Variants in PRRX1 observed in about 807,000 individuals in gnomAD.
PRRX1 encodes paired mesoderm homeobox protein 1.
A neutral mutation model predicts 24.0 loss-of-function variants in PRRX1; 8 were observed. That is an observed-to-expected ratio of 0.33 (90% confidence interval 0.20 to 0.60). The LOEUF (loss-of-function observed/expected upper bound fraction) is 0.60, where lower values mean the gene tolerates loss of function less well. Ranked by LOEUF, PRRX1 falls within the 20% of genes least tolerant of loss-of-function variation. The pLI is 0.82. For missense variants in PRRX1, 281 were observed against 322.4 expected, an observed-to-expected ratio of 0.87 and a Z score of 0.98; for synonymous variants, 160 against 131.7, an observed-to-expected ratio of 1.22 and a Z score of -1.47.
chr1:170,689,781 C>T (rs1247812793), intron 1 of PRRX1, among the ~76,000 whole-genome samples: 1 of 148,842 alleles, frequency 6.7e-6, no homozygotes, highest in African/African-American at 2.5e-5. Flanking sequence ...GACCAAGCAT[C>T]TGTAGAGCCG....
chr1:170,677,759 A>G lies in PRRX1; in HGVS notation c.241+13300A>G, dbSNP rs1437788367. ...TGACTATGGTTATCACCTTTAGGTC[A>G]CCCTTCCTCTCTCAGCGTGAAACAA... On this transcript the variant is annotated intron_variant, in intron 1 of 3. Transcript: ENST00000239461. 5.9e-5 allele frequency among the ~76,000 whole-genome samples: 9 copies of G among 152,280 alleles called. No homozygotes were observed. In the South Asian group the frequency reaches 1.9e-3, roughly 32 times the overall value.
intron 1 of PRRX1, among the ~76,000 whole-genome samples, chr1:170,707,754 T>C (rs769872586): frequency 3.6e-4 from 55 of 152,364 alleles, no homozygotes; most frequent in Non-Finnish European, 6.2e-4. Flanking sequence ...TTGGAAATGC[T>C]CTTGCAGTGG....
chr1:170,715,580 T>G (rs1226259315), intron 1 of PRRX1, among the ~76,000 whole-genome samples: 1 of 152,222 alleles, frequency 6.6e-6, no homozygotes, highest in Non-Finnish European at 1.5e-5. Flanking sequence ...GATTTTAAAC[T>G]GTGTCCTAAA....
intron 1 of PRRX1, among the ~76,000 whole-genome samples, chr1:170,697,514 C>A (rs1028640626): frequency 2.0e-5 from 3 of 151,690 alleles, no homozygotes; most frequent in African/African-American, 7.3e-5. Flanking sequence ...ATTATTGCAT[C>A]ATTCAGAGGT....
intron 1 of PRRX1, among the ~76,000 whole-genome samples, chr1:170,687,982 A>G (rs531389283): frequency 5.9e-5 from 9 of 152,322 alleles, no homozygotes; most frequent in Admixed American, 5.9e-4. Context: ...GGACCGGGAA[A>G]GAGAAATAGC....
chr1:170,687,235 C>T (rs1178958117), intron 1 of PRRX1, among the ~76,000 whole-genome samples: 5 of 151,876 alleles, frequency 3.3e-5, no homozygotes, highest in Admixed American at 2.0e-4. Context: ...GGTTTTTAAA[C>T]GATGAGAAAA....
chr1:170,727,901 C>T (rs774659142), intron 3 of PRRX1: 8 of 152,160 alleles, frequency 5.3e-5, no homozygotes, highest in African/African-American at 1.9e-4. Flanking sequence ...ACTGTAAAAT[C>T]ACATATTCTC....
At chr1:170,665,712 G>A (rs1222877504) in intron 1 of PRRX1, among the ~76,000 whole-genome samples, 1 of 152,230 alleles carries the variant, frequency 6.6e-6, no homozygotes, top group Non-Finnish European at 1.5e-5. Flanking sequence ...GTGGCCCCGC[G>A]GGCCACGCTA....
At chr1:170,701,144 CTCT>C (rs1654344933) in intron 1 of PRRX1, among the ~76,000 whole-genome samples, 1 of 152,116 alleles carries the variant, frequency 6.6e-6, no homozygotes, top group African/African-American at 2.4e-5. Context: ...CAATTAGTTC[CTCT>C]TCTTTATGAC....
At position 170,719,850 on chromosome 1, in the gene PRRX1, T is replaced by C. The variant is rs751218749; in HGVS notation, c.366T>C (p.Phe122=). 4 of 1,614,192 alleles carry C rather than the reference T, an allele frequency of 2.5e-6. No individual in the cohort carries two copies. The South Asian group carries it at 4.4e-5, about 18-fold the overall frequency. Residue 122 remains phenylalanine, a synonymous_variant, in exon 2 of 4, where the codon TTT becomes TTC. Transcript: ENST00000239461. ...AGCGGACACACTATCCTGATGCTTT[T>C]GTGCGAGAAGACCTTGCCCGCCGGG... ...VFERTHYPDA[F]VREDLARRVN... is the part of the protein sequence containing the mutation.
chr1:170,674,261 G>T (rs1571314365), intron 1 of PRRX1, among the ~76,000 whole-genome samples: 1 of 151,912 alleles, frequency 6.6e-6, no homozygotes, highest in African/African-American at 2.4e-5. Context: ...CACACAGATT[G>T]TAACTGTTTT....
At chr1:170,667,841 A>G (rs1540322) in intron 1 of PRRX1, 26,621 of 152,256 alleles carry the variant, frequency 0.17, 2,623 homozygotes, top group Admixed American at 0.3. Context: ...TTCAGCTGAA[A>G]TTAGCAAAAC....
chr1:170,707,245 A>G (rs1232009003), intron 1 of PRRX1, among the ~76,000 whole-genome samples: 1 of 152,236 alleles, frequency 6.6e-6, no homozygotes, highest in Non-Finnish European at 1.5e-5. Flanking sequence ...GTAAAGGAAT[A>G]AGTTTAATGA....
Position 170,736,409 on chromosome 1 carries a change from T to A in PRRX1, c.*223T>A. On this transcript the variant is annotated 3_prime_UTR_variant, in exon 4 of 4. Transcript: ENST00000239461. ...CCCTCTGGGATACCACCACCACTTG[T>A]TTCTGTGTGTGTTTATTTTGTTTTT... 1 of 600,700 alleles carries A rather than the reference T, an allele frequency of 1.7e-6. No individual in the cohort carries two copies. The highest frequency in any genetic ancestry group is 2.9e-6 in the Non-Finnish European group (1 of 345,014). The allele number at this position is 600,700 out of a possible 1,614,324, so 37.2% of individuals were successfully genotyped here.
At chr1:170,697,947 T>G (rs2101902532) in intron 1 of PRRX1, among the ~76,000 whole-genome samples, 1 of 151,556 alleles carries the variant, frequency 6.6e-6, no homozygotes, top group East Asian at 1.9e-4. Context: ...AACATAATTT[T>G]TAATACTGCA....
At chr1:170,713,132 T>C (rs1654800564) in intron 1 of PRRX1, among the ~76,000 whole-genome samples, 1 of 152,212 alleles carries the variant, frequency 6.6e-6, no homozygotes, top group Admixed American at 6.5e-5. Context: ...ATTAGTATTA[T>C]TATTAGTAGT....
At chr1:170,691,788 G>T (rs1283878059) in intron 1 of PRRX1, among the ~76,000 whole-genome samples, 1 of 151,664 alleles carries the variant, frequency 6.6e-6, no homozygotes, top group African/African-American at 2.4e-5. Context: ...ATGAAGCATA[G>T]TCCAAATGGT....
intron 1 of PRRX1, among the ~76,000 whole-genome samples, chr1:170,703,618 C>G (rs145301090): frequency 1.3e-5 from 2 of 151,414 alleles, no homozygotes; most frequent in East Asian, 3.9e-4. Flanking sequence ...AGTCATCTTA[C>G]TTGAACCTCA....
chr1:170,676,304 T>A (rs935423349), intron 1 of PRRX1, among the ~76,000 whole-genome samples: 1 of 151,738 alleles, frequency 6.6e-6, no homozygotes, highest in Admixed American at 6.6e-5. Context: ...ATATACGGAC[T>A]GCTATTTAAA....
Sources: gnomAD v4.1 joint callset for allele counts (sites outside exome capture counted in the v4.1 genomes callset) on GRCh38, gnomAD v4.1.1 for gene constraint, MANE v1.5 for transcripts, NCBI Gene and HGNC (gene_info 2026-07-23, HGNC 2026-07-21) for gene names.